Variants in ARHGAP15 observed in about 807,000 individuals in gnomAD.
ARHGAP15 encodes the protein Rho GTPase activating protein 15.
In ARHGAP15, 51 loss-of-function variants were observed where a neutral mutation model predicts 63.7. The ratio of observed to expected loss-of-function variants is 0.80; its 90% confidence interval spans 0.64 to 1.01. The LOEUF (loss-of-function observed/expected upper bound fraction) is 1.01. ARHGAP15 is among the 50% of genes least tolerant of loss of function. ARHGAP15 has a pLI of 0.00. For synonymous variants in ARHGAP15, 191 were observed against 193.8 expected, an observed-to-expected ratio of 0.99 and a Z score of 0.12; for missense variants, 560 against 564.6, an observed-to-expected ratio of 0.99 and a Z score of 0.08.
intron 12 of ARHGAP15, among the ~76,000 whole-genome samples, chr2:143,684,212 C>T (rs1683226430): frequency 1.3e-5 from 2 of 152,152 alleles, no homozygotes; most frequent in East Asian, 3.8e-4. Flanking sequence ...GAATCGTTAA[C>T]ACAAAACAAG....
Position 143,299,963 on chromosome 2 carries a change from C to T in ARHGAP15, c.474+49363C>T, listed in dbSNP as rs78787116. On this transcript the variant is annotated intron_variant, in intron 6 of 13. Coordinates refer to ENST00000295095, the MANE Select transcript of ARHGAP15 (RefSeq NM_018460.4). The stretch of plus-strand genomic sequence containing the variant: ...ACCAACAAAGTCTTCATTTTTCTCC[C>T]TCCTATATCAACAAAAATCTATAAT... Among the ~76,000 whole-genome samples, 1,393 of 152,084 alleles carry T rather than the reference C, an allele frequency of 9.2e-3. 24 individuals are homozygous for T. Among genetic ancestry groups the T allele is most frequent in the African/African-American group, 0.032 (1,329 of 41,536 alleles).
intron 11 of ARHGAP15, among the ~76,000 whole-genome samples, chr2:143,587,970 G>A (rs1477813085): frequency 2.0e-5 from 3 of 152,134 alleles, no homozygotes; most frequent in Non-Finnish European, 2.9e-5. Context: ...CTTAGAAGAC[G>A]ATTTAACAAT....
chr2:143,308,935 C>CAAAAA (rs35757623), intron 6 of ARHGAP15, among the ~76,000 whole-genome samples: 5 of 107,346 alleles, frequency 4.7e-5, no homozygotes, highest in Non-Finnish European at 7.5e-5. Flanking sequence ...TCCTGGCAGC[C>CAAAAA]AAAAAAAAAA....
At chr2:143,588,330 C>A (rs779225924) in intron 11 of ARHGAP15, among the ~76,000 whole-genome samples, 25 of 152,064 alleles carry the variant, frequency 1.6e-4, no homozygotes, top group Non-Finnish European at 3.1e-4. Flanking sequence ...TCCCAATTTG[C>A]TTTTGTGAGT....
chr2:143,253,356 A>C (rs1189169978), intron 6 of ARHGAP15, among the ~76,000 whole-genome samples: 9 of 152,108 alleles, frequency 5.9e-5, no homozygotes, highest in Admixed American at 5.9e-4. Flanking sequence ...TGTGACAACC[A>C]AAAATGGACA....
chr2:143,532,613 T>A lies in ARHGAP15; in HGVS notation c.925+13249T>A, dbSNP rs572165149. 4.6e-5 allele frequency among the ~76,000 whole-genome samples: 7 copies of A among 152,286 alleles called. No individual in the cohort carries two copies. In the South Asian group the frequency reaches 1.5e-3, roughly 32 times the overall value. On this transcript the variant is annotated intron_variant, in intron 10 of 13. Transcript: ENST00000295095. ...ATCAACTATTCTTGACTTAAAGTAG[T>A]TTTATAGATATACTGTAGACTCCTG...
At chr2:143,553,552 C>T (rs1695663380) in intron 10 of ARHGAP15, among the ~76,000 whole-genome samples, 1 of 152,200 alleles carries the variant, frequency 6.6e-6, no homozygotes, top group Non-Finnish European at 1.5e-5. Context: ...TCTGATTTAC[C>T]CTCCCTGTCT....
intron 13 of ARHGAP15, among the ~76,000 whole-genome samples, chr2:143,728,468 G>A (rs931189714): frequency 6.6e-6 from 1 of 151,998 alleles, no homozygotes; most frequent in Non-Finnish European, 1.5e-5. Context: ...ACACACAAAG[G>A]GTATATTCAC....
intron 10 of ARHGAP15, among the ~76,000 whole-genome samples, chr2:143,550,935 C>T (rs112965106): frequency 0.037 from 5,616 of 152,116 alleles, 151 homozygotes; most frequent in Non-Finnish European, 0.058. Flanking sequence ...AGTAAATATA[C>T]TGCTTTGTTT....
intron 7 of ARHGAP15, among the ~76,000 whole-genome samples, chr2:143,436,698 T>C (rs2105092621): frequency 6.6e-6 from 1 of 152,306 alleles, no homozygotes; most frequent in Non-Finnish European, 1.5e-5. Context: ...AATGATTAAT[T>C]GAACTAATGC....
chr2:143,673,773 T>TATACATATATATATATATATATAC (rs1553520623), intron 12 of ARHGAP15, among the ~76,000 whole-genome samples: 2 of 102,278 alleles, frequency 2.0e-5, no homozygotes, highest in African/African-American at 7.1e-5. Context: ...TATATATATA[T>TATACATATATATATATATATATAC]ATATATATAT....
chr2:143,433,983 C>T (rs1007476840), intron 6 of ARHGAP15, among the ~76,000 whole-genome samples: 2 of 152,034 alleles, frequency 1.3e-5, no homozygotes, highest in African/African-American at 4.8e-5. Flanking sequence ...AGGCAACACT[C>T]TATAAAGTAA....
intron 12 of ARHGAP15, among the ~76,000 whole-genome samples, chr2:143,703,058 A>G (rs1436222788): frequency 6.6e-6 from 1 of 152,218 alleles, no homozygotes; most frequent in Non-Finnish European, 1.5e-5. Flanking sequence ...TAAGAAAACC[A>G]AATGTTAAGA....
intron 6 of ARHGAP15, among the ~76,000 whole-genome samples, chr2:143,381,923 C>A (rs189868454): frequency 2.6e-5 from 4 of 152,138 alleles, no homozygotes; most frequent in Admixed American, 2.6e-4. Context: ...GGCAATCTAT[C>A]CTTTTTGATA....
At chr2:143,143,563 C>CT (rs753991992) in intron 1 of ARHGAP15, among the ~76,000 whole-genome samples, 2,952 of 114,324 alleles carry the variant, frequency 0.026, 162 homozygotes, top group African/African-American at 0.059. Flanking sequence ...GAGCTATTTT[C>CT]TTTCTTTTTT....
chr2:143,180,385 C>T (rs548186192), intron 2 of ARHGAP15, among the ~76,000 whole-genome samples: 83 of 152,320 alleles, frequency 5.4e-4, no homozygotes, highest in African/African-American at 1.9e-3. Context: ...TTAGTTACAT[C>T]CTCAGGCTCC....
intron 12 of ARHGAP15, chr2:143,682,722 C>T (rs1464274209): frequency 1.3e-5 from 2 of 152,120 alleles, no homozygotes; most frequent in African/African-American, 2.4e-5. Flanking sequence ...GCAGAGGACA[C>T]AAAATTTTTC....
chr2:143,659,539 T>C (rs1260394848), intron 12 of ARHGAP15, among the ~76,000 whole-genome samples: 1 of 152,140 alleles, frequency 6.6e-6, no homozygotes, highest in Non-Finnish European at 1.5e-5. Flanking sequence ...GTCTGATAGC[T>C]CTTAGTTCTA....
At chr2:143,348,474 T>C (rs1685402207) in intron 6 of ARHGAP15, among the ~76,000 whole-genome samples, 1 of 152,122 alleles carries the variant, frequency 6.6e-6, no homozygotes, top group Admixed American at 6.6e-5. Context: ...AAAAAAAAAC[T>C]GTTATTTTCA....
Sources: allele counts gnomAD v4.1 joint callset (sites outside exome capture counted in the v4.1 genomes callset), GRCh38; gene constraint gnomAD v4.1.1; transcripts MANE v1.5; gene names NCBI Gene and HGNC (gene_info 2026-07-23, HGNC 2026-07-21).